The following PLPP4 variants were observed in gnomAD, a reference collection of about 807,000 sequenced individuals.
The protein encoded by PLPP4 is diacylglycerol pyrophosphate like 2.
PLPP4 carries 20 observed loss-of-function variants against 32.2 expected under a neutral mutation model. The ratio of observed to expected loss-of-function variants is 0.62; its 90% CI spans 0.44 to 0.90. PLPP4 has a LOEUF of 0.90. Ranked by LOEUF, PLPP4 falls within the 40% of genes least tolerant of loss-of-function variation. PLPP4 has a pLI of 0.00. For synonymous variants in PLPP4, 127 were observed against 133.0 expected, an observed-to-expected ratio of 0.95 and a Z score of 0.31; for missense variants, 257 against 353.1, an observed-to-expected ratio of 0.73 and a Z score of 2.18.
At chr10:120,587,916 A>G (rs565142785) in intron 6 of PLPP4, among the ~76,000 whole-genome samples, 1 of 152,344 alleles carries the variant, frequency 6.6e-6, no homozygotes, top group Non-Finnish European at 1.5e-5. Flanking sequence ...CTGAATGCAG[A>G]TGGACATACC....
At chr10:120,500,420 T>A (rs1845187372) in intron 1 of PLPP4, among the ~76,000 whole-genome samples, 1 of 152,156 alleles carries the variant, frequency 6.6e-6, no homozygotes, top group Admixed American at 6.5e-5. Context: ...GCCATATCCC[T>A]CATCCACCTG....
In PLPP4 at chr10:120,589,681, C is replaced by G; in HGVS notation, c.*179C>G. 1 of 589,418 alleles carries G rather than the reference C, an allele frequency of 1.7e-6. No homozygotes were observed. Among genetic ancestry groups the G allele is most frequent in the Non-Finnish European group, 2.9e-6 (1 of 339,948 alleles). The allele number at this position is 589,418 out of a possible 1,614,324, so 36.5% of individuals were successfully genotyped here. A position where few individuals can be genotyped will look rare whatever the true frequency, so the allele number is the denominator to read the frequency against. On this transcript the variant is annotated 3_prime_UTR_variant, in exon 7 of 7. Coordinates refer to ENST00000398250, the MANE Select transcript of PLPP4 (RefSeq NM_001030059.3). Reference sequence around the variant, plus strand: ...TACTTTAAATGTCTACTTCCAACATCCTTGAATTTGCAAGTGAAGGACAAC... The same window carrying G: ...TACTTTAAATGTCTACTTCCAACATGCTTGAATTTGCAAGTGAAGGACAAC...
chr10:120,516,719 G>C (rs977568878), intron 3 of PLPP4, among the ~76,000 whole-genome samples: 4 of 152,166 alleles, frequency 2.6e-5, no homozygotes, highest in Admixed American at 2.6e-4. Flanking sequence ...TTATGAATCA[G>C]ACCCACTGGG....
Position 120,537,834 on chromosome 10 carries a change from A to G in PLPP4, c.445+16739A>G, listed in dbSNP as rs139013806. Among the ~76,000 whole-genome samples the G allele has an allele frequency of 5.9e-4, 90 of 152,060 alleles. 1 individual carries two copies. The highest frequency in any genetic ancestry group is 2.1e-3 in the African/African-American group (86 of 41,488). ...ATTATTATTTGTCAATTATAGCTCA[A>G]TAAAGCTGAAAACAATTAAAGATCT... On this transcript the variant is annotated intron_variant, in intron 5 of 6. Coordinates refer to ENST00000398250, the MANE Select transcript of PLPP4 (RefSeq NM_001030059.3).
At chr10:120,471,321 T>G (rs1848509127) in intron 1 of PLPP4, among the ~76,000 whole-genome samples, 1 of 149,310 alleles carries the variant, frequency 6.7e-6, no homozygotes, top group South Asian at 2.2e-4. Flanking sequence ...TTTATTTTTA[T>G]GTTTTATCCC....
intron 1 of PLPP4, among the ~76,000 whole-genome samples, chr10:120,495,227 A>G (rs1478410512): frequency 6.6e-6 from 1 of 152,236 alleles, no homozygotes; most frequent in Non-Finnish European, 1.5e-5. Context: ...AGGGCTTGGC[A>G]TGAGATGTCT....
At chr10:120,505,407 T>C (rs1269116943) in intron 2 of PLPP4, among the ~76,000 whole-genome samples, 1 of 152,242 alleles carries the variant, frequency 6.6e-6, no homozygotes, top group East Asian at 1.9e-4. Context: ...CACTTTTGGA[T>C]GGGCAGCCTC....
chr10:120,463,391 G>C (rs550716155), intron 1 of PLPP4, among the ~76,000 whole-genome samples: 1 of 152,190 alleles, frequency 6.6e-6, no homozygotes, highest in Non-Finnish European at 1.5e-5. Context: ...GGGCTTTGGA[G>C]CCAGACAGGT....
chr10:120,544,098 G>A (rs1209332956), intron 5 of PLPP4, among the ~76,000 whole-genome samples: 2 of 152,308 alleles, frequency 1.3e-5, no homozygotes, highest in East Asian at 3.9e-4. Context: ...ACCTCTTTGA[G>A]CCTCTGATTT....
At chr10:120,561,873 G>A (rs1848452894) in intron 5 of PLPP4, among the ~76,000 whole-genome samples, 1 of 152,214 alleles carries the variant, frequency 6.6e-6, no homozygotes, top group African/African-American at 2.4e-5. Flanking sequence ...AAGGGTGCAA[G>A]GGAGTGTAAT....
At chr10:120,513,537 C>A (rs1177913647) in intron 2 of PLPP4, among the ~76,000 whole-genome samples, 1 of 152,166 alleles carries the variant, frequency 6.6e-6, no homozygotes, top group Non-Finnish European at 1.5e-5. Context: ...ACTCGTGTTT[C>A]CAGAGAGATA....
rs548986953 is a variant in PLPP4, at chr10:120,503,662, T to A, written c.57-156T>A. ...ATTCTTTCAGTCCTTCCCAAGCCTT[T>A]GAACCAGCTGAGAACTGACAGCAGG... On this transcript the variant is annotated intron_variant, in intron 1 of 6. Transcript: ENST00000398250. 5 of 1,595,114 alleles carry A rather than the reference T, an allele frequency of 3.1e-6. No individual in the cohort carries two copies. The African/African-American group carries it at 6.7e-5, about 21-fold the overall frequency.
intron 2 of PLPP4, among the ~76,000 whole-genome samples, chr10:120,512,002 G>A (rs1054263492): frequency 6.6e-6 from 1 of 152,048 alleles, no homozygotes; most frequent in Non-Finnish European, 1.5e-5. Flanking sequence ...GCTGAGGCAG[G>A]AGAATGGCGT....
intron 1 of PLPP4, among the ~76,000 whole-genome samples, chr10:120,466,890 A>G (rs189042331): frequency 4.6e-5 from 7 of 152,212 alleles, no homozygotes; most frequent in South Asian, 4.1e-4. Context: ...CCTCCTTCCT[A>G]GAACTGAGGT....
At chr10:120,524,110 TA>T (rs1031828314) in intron 5 of PLPP4, among the ~76,000 whole-genome samples, 1 of 152,258 alleles carries the variant, frequency 6.6e-6, no homozygotes, top group Admixed American at 6.5e-5. Context: ...TACCCATTTT[TA>T]CTACCTGGCA....
At chr10:120,457,761 C>T (rs1226453767) in intron 1 of PLPP4, among the ~76,000 whole-genome samples, 1 of 152,188 alleles carries the variant, frequency 6.6e-6, no homozygotes, top group African/African-American at 2.4e-5. Context: ...CCCCTGGCCC[C>T]GTCTCCGATT....
intron 1 of PLPP4, among the ~76,000 whole-genome samples, chr10:120,497,225 G>A (rs1845012216): frequency 6.6e-6 from 1 of 152,088 alleles, no homozygotes; most frequent in African/African-American, 2.4e-5. Context: ...TAAAGGGGAG[G>A]GGTGTGTGGT....
At position 120,559,013 on chromosome 10, in the gene PLPP4, C is replaced by T. The variant is rs75661805; in HGVS notation, c.446-16118C>T. ...CATTGCCCCACAGTCTTGTCGGCAC[C>T]TAACATGGTCAGAATTTAGTTTTTG... On this transcript the variant is annotated intron_variant, in intron 5 of 6. Coordinates refer to ENST00000398250, the MANE Select transcript of PLPP4 (RefSeq NM_001030059.3). 8.5e-3 allele frequency among the ~76,000 whole-genome samples: 1,288 copies of T among 152,292 alleles called. 23 individuals are homozygous for T. The highest frequency in any genetic ancestry group is 0.03 in the African/African-American group (1,236 of 41,532).
At chr10:120,522,749 G>A (rs573614396) in intron 5 of PLPP4, among the ~76,000 whole-genome samples, 19 of 152,290 alleles carry the variant, frequency 1.2e-4, no homozygotes, top group Admixed American at 1.1e-3. Context: ...AATTTGCTAA[G>A]AGAGTAGATT....
Sources: gnomAD v4.1 joint callset for allele counts (sites outside exome capture counted in the v4.1 genomes callset) on GRCh38, gnomAD v4.1.1 for gene constraint, MANE v1.5 for transcripts, NCBI Gene and HGNC (gene_info 2026-07-23, HGNC 2026-07-21) for gene names.